The following ANKRD24 variants were observed in gnomAD, a reference collection of about 807,000 sequenced individuals.
ANKRD24 encodes the protein ankyrin repeat domain 24.
A neutral mutation model predicts 127.8 loss-of-function variants in ANKRD24; 109 were observed. The observed-to-expected ratio is 0.85, with a 90% CI of 0.73 to 1.00. The LOEUF is 1.00. Ranked by LOEUF, ANKRD24 falls within the 50% of genes least tolerant of loss-of-function variation. The pLI is 0.00. For synonymous variants in ANKRD24, 743 were observed against 671.1 expected, an observed-to-expected ratio of 1.11 and a Z score of -1.66; for missense variants, 1,648 against 1,570.2, an observed-to-expected ratio of 1.05 and a Z score of -0.84.
chr19:4,213,366 TTTCTTCCTTTCC>T (rs1282183312), intron 15 of ANKRD24, among the ~76,000 whole-genome samples: 3 of 148,818 alleles, frequency 2.0e-5, no homozygotes, highest in African/African-American at 7.4e-5. Context: ...CCTTCCCTTC[TTTCTTCCTTTCC>T]TTCTTCCTTC....
intron 7 of ANKRD24, among the ~76,000 whole-genome samples, chr19:4,203,266 C>G (rs1969196372): frequency 6.6e-6 from 1 of 152,144 alleles, no homozygotes; most frequent in African/African-American, 2.4e-5. Flanking sequence ...CCAGGATGGT[C>G]TCGAACTCCT....
chr19:4,194,300 G>C (rs1474140415), intron 2 of ANKRD24, among the ~76,000 whole-genome samples: 11 of 152,164 alleles, frequency 7.2e-5, no homozygotes, highest in African/African-American at 2.6e-4. Context: ...TTACAGGCGT[G>C]CACCACCGTG....
rs778983253 is a variant in ANKRD24, at chr19:4,213,129, TCAAA to T, written c.1197+442_1197+445del. Among the ~76,000 whole-genome samples, 81 of 152,072 alleles carry T rather than the reference TCAAA, an allele frequency of 5.3e-4. 1 individual carries two copies. The highest frequency in any genetic ancestry group is 3.1e-3 in the South Asian group (15 of 4,808). On this transcript the variant is annotated intron_variant, in intron 15 of 21. Transcript: ENST00000318934. ...CTGGGTGACAGAGCGAGACTCAGTC[TCAAA>T]CAAACAAACAGTCCCACAGTCACAT... is the stretch of plus-strand genomic sequence containing the variant.
intron 1 of ANKRD24, among the ~76,000 whole-genome samples, chr19:4,184,583 T>C (rs73918061): frequency 0.065 from 9,845 of 152,232 alleles, 729 homozygotes; most frequent in East Asian, 0.19. Context: ...GCAAGCAGCT[T>C]CCTAAATTTA....
intron 10 of ANKRD24, among the ~76,000 whole-genome samples, chr19:4,208,527 C>G (rs1185407875): frequency 3.3e-5 from 5 of 151,962 alleles, no homozygotes; most frequent in Non-Finnish European, 7.4e-5. Flanking sequence ...AGGTGATTCA[C>G]CCGCCTTGGC....
chr19:4,207,715 G>C, intron 9 of ANKRD24, 66 bp from the exon 10 acceptor site: 1 of 1,585,614 alleles, frequency 6.3e-7, no homozygotes, highest in South Asian at 1.1e-5. Context: ...CCTGGCCTGG[G>C]TGCTGAGGTG....
rs747734708 is a variant in ANKRD24, at chr19:4,217,821, G to C, written c.2661G>C (p.Glu887Asp). 8 of 1,402,256 alleles carry C rather than the reference G, an allele frequency of 5.7e-6. No homozygotes were observed. The South Asian group carries it at 1.2e-4, about 20-fold the overall frequency. The allele number at this position is 1,402,256 out of a possible 1,614,324, so 86.9% of individuals were successfully genotyped here. The stretch of plus-strand genomic sequence containing the variant: ...ACGCCGCTGAGGCCCGAGTGGCTGA[G>C]CTGCCTGCGGCCTGCGAGGAGGCGC... ...ARDAAEARVA[E>D]LPAACEEARQ... Residue 887 changes from glutamate to aspartate, a missense_variant, in exon 18 of 22, where the codon GAG becomes GAC. Transcript: ENST00000318934.
intron 19 of ANKRD24, among the ~76,000 whole-genome samples, chr19:4,220,431 A>G (rs149073206): frequency 6.6e-6 from 1 of 152,310 alleles, no homozygotes; most frequent in East Asian, 1.9e-4. Flanking sequence ...TCACACAGCC[A>G]TGCAGTCTTT....
In ANKRD24 at chr19:4,224,802, T is replaced by G. The variant is rs1970650391; in HGVS notation, c.*297T>G. 2.1e-6 allele frequency: 1 copy of G among 481,872 alleles called. No individual in the cohort carries two copies. Among genetic ancestry groups the G allele is most frequent in the Non-Finnish European group, 3.8e-6 (1 of 265,166 alleles). 29.8% of individuals were successfully genotyped at this position (481,872 alleles called of 1,614,324 possible). A position where few individuals can be genotyped will look rare whatever the true frequency, so the allele number is the denominator to read the frequency against. ...GACGCCAGCCCAGGAATAAAGGCAT[T>G]CTGTGCACAGGGCCAACGCGTGCCG... On this transcript the variant is annotated 3_prime_UTR_variant, in exon 22 of 22. Coordinates refer to ENST00000318934, the MANE Select transcript of ANKRD24 (RefSeq NM_001393985.1).
chr19:4,217,412 T>C lies in ANKRD24; in HGVS notation c.2252T>C (p.Leu751Pro). 6.5e-7 allele frequency: 1 copy of C among 1,547,850 alleles called. No homozygotes were observed. Among genetic ancestry groups the C allele is most frequent in the Non-Finnish European group, 8.7e-7 (1 of 1,146,180 alleles). ...REAAAELEAA[L>P]GKCEAAEAEA... The stretch of plus-strand genomic sequence containing the variant: ...GCAGCTGCGGAGCTGGAGGCGGCCC[T>C]GGGGAAGTGCGAGGCCGCGGAGGCC... Residue 751 changes from leucine (L) to proline (P), a missense_variant, in exon 18 of 22, where the codon CTG (leucine) becomes CCG (proline). Transcript: ENST00000318934.
chr19:4,214,055 C>T (rs1969919686), intron 15 of ANKRD24, among the ~76,000 whole-genome samples: 1 of 152,192 alleles, frequency 6.6e-6, no homozygotes, highest in Non-Finnish European at 1.5e-5. Context: ...TACAGACACG[C>T]AAGAAACAAC....
Position 4,198,117 on chromosome 19 carries a change from G to A in ANKRD24, c.37-1566G>A, listed in dbSNP as rs1968859585. 2.0e-6 allele frequency: 1 copy of A among 491,674 alleles called. No homozygotes were observed. The allele number at this position is 491,674 out of a possible 1,614,324, so 30.5% of individuals were successfully genotyped here. On this transcript the variant is annotated intron_variant, in intron 2 of 21. Transcript: ENST00000318934. This position sits in a 1 kb window ranked among gnomAD's most constrained non-coding sequence, Gnocchi z 6.1. ...TGGCCGACTCGGAGGAGGTGGAGATGGACGCCCGCGGGTCCCCTGGAGATG... is the reference window on the plus strand; with the variant it reads ...TGGCCGACTCGGAGGAGGTGGAGATAGACGCCCGCGGGTCCCCTGGAGATG...
Position 4,215,996 on chromosome 19 carries a change from A to G in ANKRD24, c.1216A>G (p.Ser406Gly). The G allele has an allele frequency of 1.3e-6, 2 of 1,598,712 alleles. No individual in the cohort carries two copies. The highest frequency in any genetic ancestry group is 1.7e-6 in the Non-Finnish European group (2 of 1,173,470). The stretch of plus-strand genomic sequence containing the variant: ...CCCCCAGAACGAGCGGGAGAATACT[A>G]GCTATGACGTAACCACCCTGCAGGA... ...SLLENERENT[S>G]YDVTTLQDEE... is the part of the protein sequence containing the mutation. Residue 406 changes from serine (S) to glycine (G), a missense_variant, in exon 16 of 22, where the codon AGC (serine) becomes GGC (glycine). Ser to Gly is a moderately conservative substitution (Grantham distance 56). Transcript: ENST00000318934.
At chr19:4,211,399 G>C (rs1411985936) in intron 13 of ANKRD24, among the ~76,000 whole-genome samples, 5 of 152,058 alleles carry the variant, frequency 3.3e-5, no homozygotes, top group African/African-American at 1.2e-4. Flanking sequence ...AGCACTTTGG[G>C]AGGTTGAGGT....
chr19:4,217,489 AGCGGGG>A lies in ANKRD24; in HGVS notation c.2334_2339del (p.Gly781_Gly782del). 7.1e-7 allele frequency: 1 copy of A among 1,418,266 alleles called. No individual in the cohort carries two copies. Among genetic ancestry groups the A allele is most frequent in the Non-Finnish European group, 9.2e-7 (1 of 1,091,378 alleles). The allele number at this position is 1,418,266 out of a possible 1,614,324, so 87.9% of individuals were successfully genotyped here. On this transcript the variant is annotated inframe_deletion, in exon 18 of 22. Transcript: ENST00000318934. The stretch of plus-strand genomic sequence containing the variant: ...CCGCGAGGCCGAGGGCAGCGGGGCC[AGCGGGG>A]GCGGTGGCGGTGACACCACACAGCT...
intron 6 of ANKRD24, among the ~76,000 whole-genome samples, chr19:4,202,339 C>T (rs62130864): frequency 0.34 from 50,987 of 151,866 alleles, 9,690 homozygotes; most frequent in Non-Finnish European, 0.42. Flanking sequence ...AGGCTGAGGT[C>T]GGTGAAATCG....
intron 2 of ANKRD24, among the ~76,000 whole-genome samples, chr19:4,197,985 A>T (rs1968850173): frequency 6.6e-6 from 1 of 152,258 alleles, no homozygotes. Context: ...GAATGGGCGA[A>T]CGAATGAATG....
intron 2 of ANKRD24, among the ~76,000 whole-genome samples, chr19:4,193,846 A>AGGGAGGGAGGGAGGGAGGGAAGGAAGGAC (rs113209299): frequency 1.9e-5 from 1 of 51,646 alleles, no homozygotes; most frequent in African/African-American, 1.2e-4. Context: ...GGAGGGAGGG[A>AGGGAGGGAGGGAGGGAGGGAAGGAAGGAC]GGAAGGAAGG....
chr19:4,193,850 A>AGGAAGGAAGGAAGGAT lies in ANKRD24; in HGVS notation c.37-5818_37-5817insTGGAAGGAAGGAAGGA, dbSNP rs1568315600. Among the ~76,000 whole-genome samples, 34 of 38,398 alleles carry AGGAAGGAAGGAAGGAT rather than the reference A, an allele frequency of 8.9e-4. 2 individuals are homozygous for AGGAAGGAAGGAAGGAT. Among genetic ancestry groups the AGGAAGGAAGGAAGGAT allele is most frequent in the South Asian group, 2.0e-3 (2 of 1,000 alleles). The allele number at this position is 38,398 out of a possible 152,430, so 25.2% of individuals were successfully genotyped here. ...AGACTCCGTCGGGAGGGAGGGAGGA[A>AGGAAGGAAGGAAGGAT]GGAAGGAAGGAAGGAAGGAAGGAAG... On this transcript the variant is annotated intron_variant, in intron 2 of 21. Coordinates refer to ENST00000318934, the MANE Select transcript of ANKRD24 (RefSeq NM_001393985.1).
Sources: allele counts gnomAD v4.1 joint callset (sites outside exome capture counted in the v4.1 genomes callset), GRCh38; gene constraint gnomAD v4.1.1; non-coding constraint Gnocchi (gnomAD v3.1); transcripts MANE v1.5; gene names NCBI Gene and HGNC (gene_info 2026-07-23, HGNC 2026-07-21).